Variants in ATP11B observed in about 807,000 individuals in gnomAD.
The protein encoded by ATP11B is phospholipid-transporting ATPase IF.
ATP11B carries 81 observed loss-of-function variants against 157.8 expected under a neutral mutation model. The observed-to-expected ratio is 0.51, with a 90% CI of 0.43 to 0.62. The LOEUF is 0.62. Among genes scored for constraint, ATP11B ranks in the 20% least tolerant of loss-of-function variants. The pLI is 0.00. For missense variants in ATP11B, 1,165 were observed against 1,402.2 expected, an observed-to-expected ratio of 0.83 and a Z score of 2.70; for synonymous variants, 451 against 469.4, an observed-to-expected ratio of 0.96 and a Z score of 0.51.
chr3:182,875,105 C>A (rs1260084789), intron 19 of ATP11B, among the ~76,000 whole-genome samples: 1 of 151,926 alleles, frequency 6.6e-6, no homozygotes, highest in Non-Finnish European at 1.5e-5. Flanking sequence ...AAATTTTTGC[C>A]CTGTATGGGG....
At chr3:182,882,339 A>T (rs957756136) in intron 21 of ATP11B, among the ~76,000 whole-genome samples, 22 of 152,324 alleles carry the variant, frequency 1.4e-4, no homozygotes, top group Admixed American at 8.5e-4. Flanking sequence ...CTATAAAAAA[A>T]ATTACAGTAT....
chr3:182,820,650 C>CA (rs1343672634), intron 2 of ATP11B, among the ~76,000 whole-genome samples: 1 of 151,778 alleles, frequency 6.6e-6, no homozygotes, highest in Admixed American at 6.6e-5. Context: ...ACCTGGGCAA[C>CA]AGAGTGAGAC....
chr3:182,901,333 C>T (rs115131484), intron 28 of ATP11B, among the ~76,000 whole-genome samples: 38,082 of 138,952 alleles, frequency 0.27, 5,610 homozygotes, highest in East Asian at 0.54. Context: ...AGTGAGACTC[C>T]GTCTCACAAA....
chr3:182,794,632 G>T (rs145776563), intron 1 of ATP11B, among the ~76,000 whole-genome samples: 2 of 152,242 alleles, frequency 1.3e-5, no homozygotes, highest in East Asian at 3.9e-4. Context: ...GTCATTTAAG[G>T]CCTATAAAAA....
rs1301019303 is a variant in ATP11B, at chr3:182,919,325, C to T, written c.*1221C>T. 4 of 152,528 alleles carry T rather than the reference C, an allele frequency of 2.6e-5. No individual in the cohort carries two copies. Among genetic ancestry groups the T allele is most frequent in the Admixed American group, 2.6e-4 (4 of 15,260 alleles). 9.4% of individuals were successfully genotyped at this position (152,528 alleles called of 1,614,324 possible). On this transcript the variant is annotated 3_prime_UTR_variant, in exon 30 of 30. Coordinates refer to ENST00000323116, the MANE Select transcript of ATP11B (RefSeq NM_014616.3). ...TGTGGCTGTGGAATGTAAAAATGCTCAACTTGTATCAGGTAATGTTAGCAA... is the reference window on the plus strand; with the variant it reads ...TGTGGCTGTGGAATGTAAAAATGCTTAACTTGTATCAGGTAATGTTAGCAA...
At chr3:182,906,956 G>A (rs1255083846) in intron 28 of ATP11B, among the ~76,000 whole-genome samples, 2 of 152,026 alleles carry the variant, frequency 1.3e-5, no homozygotes, top group East Asian at 3.9e-4. Context: ...AACTAGGTGT[G>A]GTGGCGGATG....
At chr3:182,893,795 T>A (rs1377669057) in intron 25 of ATP11B, among the ~76,000 whole-genome samples, 1 of 152,236 alleles carries the variant, frequency 6.6e-6, no homozygotes, top group East Asian at 1.9e-4. Context: ...TATACTAGTT[T>A]ATATTCCCAC....
intron 12 of ATP11B, among the ~76,000 whole-genome samples, chr3:182,864,109 G>A (rs1003938657): frequency 2.3e-4 from 35 of 151,800 alleles, no homozygotes; most frequent in Admixed American, 9.2e-4. Flanking sequence ...TTTGGATATC[G>A]ATCTTTTTAT....
Position 182,919,235 on chromosome 3 carries a change from ACTT to A in ATP11B, c.*1132_*1134del, listed in dbSNP as rs1048945948. On this transcript the variant is annotated 3_prime_UTR_variant, in exon 30 of 30. Transcript: ENST00000323116. ...TCTTATTTTCAGGTTATGTCATCTA[ACTT>A]ATAGCAAACTACCACAATACAGTGA... is the stretch of plus-strand genomic sequence containing the variant. The A allele has an allele frequency of 1.3e-4, 20 of 152,712 alleles. No individual in the cohort carries two copies. The highest frequency in any genetic ancestry group is 4.1e-4 in the African/African-American group (17 of 41,572). The allele number at this position is 152,712 out of a possible 1,614,324, so 9.5% of individuals were successfully genotyped here. A position where few individuals can be genotyped will look rare whatever the true frequency, so the allele number is the denominator to read the frequency against.
In ATP11B at chr3:182,884,815, A is replaced by G; in HGVS notation, c.2572A>G (p.Lys858Glu). The change falls in exon 22 of 30, where the codon AAG (lysine) becomes GAG (glutamate). Residue 858 changes from lysine (K) to glutamate (E), a missense_variant. This residue lies in a region of ATP11B where 737 missense variants were observed against 930.5 expected (regional missense o/e 0.79). Coordinates refer to ENST00000323116, the MANE Select transcript of ATP11B (RefSeq NM_014616.3). ...RNSDYAIARFKFLSKLLFVHG... is the reference protein window; with the variant it reads ...RNSDYAIARFEFLSKLLFVHG... ...CAGTGACTATGCAATAGCCAGATTTAAGTTCCTCTCCAAATTGCTTTTTGT... is the reference window on the plus strand; with the variant it reads ...CAGTGACTATGCAATAGCCAGATTTGAGTTCCTCTCCAAATTGCTTTTTGT... The G allele has an allele frequency of 6.2e-7, 1 of 1,602,772 alleles. No individual in the cohort carries two copies. Among genetic ancestry groups the G allele is most frequent in the Non-Finnish European group, 8.5e-7 (1 of 1,175,730 alleles).
chr3:182,818,515 AC>A (rs1717107006), intron 1 of ATP11B, among the ~76,000 whole-genome samples: 1 of 152,216 alleles, frequency 6.6e-6, no homozygotes, highest in Admixed American at 6.5e-5. Flanking sequence ...AAATCTTAGG[AC>A]TTTAAATAGT....
intron 1 of ATP11B, among the ~76,000 whole-genome samples, chr3:182,806,943 G>A (rs1383245928): frequency 1.3e-5 from 2 of 151,878 alleles, no homozygotes; most frequent in African/African-American, 4.8e-5. Context: ...TATAGGAGTT[G>A]AACTTCAAAC....
At chr3:182,816,982 A>G (rs114459898) in intron 1 of ATP11B, among the ~76,000 whole-genome samples, 6 of 152,356 alleles carry the variant, frequency 3.9e-5, no homozygotes, top group Non-Finnish European at 8.8e-5. Context: ...ATTTGGCTGT[A>G]CTTATACTAT....
At chr3:182,897,132 A>C (rs1195632837) in intron 26 of ATP11B, among the ~76,000 whole-genome samples, 171 bp from the exon 27 acceptor site, 1 of 152,076 alleles carries the variant, frequency 6.6e-6, no homozygotes, top group African/African-American at 2.4e-5. Context: ...AAATTATTTC[A>C]TTTTATACTA....
At chr3:182,841,413 G>GT (rs1248810679) in intron 7 of ATP11B, among the ~76,000 whole-genome samples, 2 of 152,078 alleles carry the variant, frequency 1.3e-5, no homozygotes, top group Non-Finnish European at 2.9e-5. Flanking sequence ...GCCTTACTGT[G>GT]TATTTGTCGA....
chr3:182,854,022 G>A (rs1482668531), intron 10 of ATP11B, among the ~76,000 whole-genome samples: 2 of 152,176 alleles, frequency 1.3e-5, no homozygotes, highest in East Asian at 3.8e-4. Context: ...CAAGTAACAA[G>A]TCAATTCAAT....
intron 3 of ATP11B, 129 bp from the exon 4 acceptor site, chr3:182,829,543 C>T (rs1390664793): frequency 1.5e-6 from 1 of 679,562 alleles, no homozygotes; most frequent in Non-Finnish European, 2.5e-6. Context: ...CACATAATAG[C>T]CAACAAAGTG....
rs1254973097 is a variant in ATP11B, at chr3:182,880,905, T to C, written c.2433T>C (p.Pro811=). The C allele has an allele frequency of 6.3e-7, 1 of 1,596,810 alleles. No individual in the cohort carries two copies. The highest frequency in any genetic ancestry group is 8.5e-7 in the Non-Finnish European group (1 of 1,173,364). Reference sequence around the variant, plus strand: ...TAATAAGACTAATAAAAATATCACCTGAGAAACCTATAACATTGGCTGTTG... The same window carrying C: ...TAATAAGACTAATAAAAATATCACCCGAGAAACCTATAACATTGGCTGTTG... ...AKVIRLIKIS[P]EKPITLAVGD... Residue 811 remains proline, a synonymous_variant, in exon 21 of 30, where the codon CCT becomes CCC. Coordinates refer to ENST00000323116, the MANE Select transcript of ATP11B (RefSeq NM_014616.3).
At chr3:182,915,756 T>C in intron 29 of ATP11B, 1 of 985,336 alleles carries the variant, frequency 1.0e-6, no homozygotes, top group Non-Finnish European at 1.2e-6. Flanking sequence ...ATTACCTCTT[T>C]TGAACCTGCC....
Sources: gnomAD v4.1 joint callset for allele counts (sites outside exome capture counted in the v4.1 genomes callset) on GRCh38, gnomAD v4.1.1 for gene constraint, gnomAD v4.1.1 regional missense constraint, MANE v1.5 for transcripts, NCBI Gene and HGNC (gene_info 2026-07-23, HGNC 2026-07-21) for gene names.